KIRREL3: variants seen among roughly 807,000 people sequenced by gnomAD.
KIRREL3 encodes the protein kin of IRRE-like protein 3.
A neutral mutation model predicts 89.7 loss-of-function variants in KIRREL3; 36 were observed. The observed-to-expected ratio is 0.40, with a 90% CI of 0.31 to 0.53. KIRREL3 has a LOEUF of 0.53. KIRREL3 is among the 20% of genes least tolerant of loss of function. KIRREL3 has a pLI of 0.49. For missense variants in KIRREL3, 864 were observed against 1,056.6 expected (o/e 0.82, Z 2.53); for synonymous variants, 445 against 441.4 (o/e 1.01, Z -0.10).
At chr11:126,714,232 CA>C in intron 1 of KIRREL3, among the ~76,000 whole-genome samples, 1 of 152,298 alleles carries the variant, frequency 6.6e-6, no homozygotes, top group East Asian at 1.9e-4. Flanking sequence ...ATGACATAAT[CA>C]ATGGAGGAGT....
Position 126,494,078 on chromosome 11 carries a change from A to G in KIRREL3, c.434-20612T>C, listed in dbSNP as rs961055722. On this transcript the variant is annotated intron_variant, in intron 4 of 16. Transcript: ENST00000525144. ...GAATGTAAAAATATCCACGATGAGG[A>G]AAATATCACAATTTTAAGTAAAGAC... 2.0e-5 allele frequency among the ~76,000 whole-genome samples: 3 copies of G among 152,368 alleles called. No homozygotes were observed. The East Asian group carries it at 5.8e-4, about 29-fold the overall frequency.
At chr11:126,701,487 T>C (rs577700534) in intron 1 of KIRREL3, among the ~76,000 whole-genome samples, 93 of 152,124 alleles carry the variant, frequency 6.1e-4, no homozygotes, top group Non-Finnish European at 9.9e-4. Flanking sequence ...CTTGGTGGCT[T>C]GGAGCTTGCA....
In KIRREL3 at chr11:126,432,398, C is replaced by T. The variant is rs561028129; in HGVS notation, c.1589-872G>A. Among the ~76,000 whole-genome samples, 6 of 152,200 alleles carry T rather than the reference C, an allele frequency of 3.9e-5. No individual in the cohort carries two copies. The highest frequency in any genetic ancestry group is 2.1e-4 in the South Asian group (1 of 4,820). ...GCCCTTCTACAGCTGCAAGTGGGGT[C>T]GGAGCACATGATTTAGGGCCTTGAG... On this transcript the variant is annotated intron_variant, in intron 13 of 16. Coordinates refer to ENST00000525144, the MANE Select transcript of KIRREL3 (RefSeq NM_032531.4). The surrounding 1 kb of genome is among the most constrained non-coding windows in gnomAD (Gnocchi z 6.2).
chr11:126,801,382 G>A (rs183363869), intron 1 of KIRREL3, among the ~76,000 whole-genome samples: 1 of 152,238 alleles, frequency 6.6e-6, no homozygotes, highest in Admixed American at 6.5e-5. Context: ...GTTGCCATAG[G>A]TACAGTCACC....
In KIRREL3 at chr11:126,574,868, C is replaced by G. The variant is rs749757868; in HGVS notation, c.56-11956G>C. 6.6e-6 allele frequency among the ~76,000 whole-genome samples: 1 copy of G among 152,124 alleles called. No homozygotes were observed. The highest frequency in any genetic ancestry group is 1.5e-5 in the Non-Finnish European group (1 of 68,010). ...CTTCTTGGAATAGGAATGAATAGTA[C>G]GAGAAAATACCTGGGTCCACACTGG... On this transcript the variant is annotated intron_variant, in intron 1 of 16. Coordinates refer to ENST00000525144, the MANE Select transcript of KIRREL3 (RefSeq NM_032531.4). This position sits in a 1 kb window ranked among gnomAD's most constrained non-coding sequence, Gnocchi z 5.3.
At chr11:126,882,752 G>A (rs1174296362) in intron 1 of KIRREL3, among the ~76,000 whole-genome samples, 1 of 152,214 alleles carries the variant, frequency 6.6e-6, no homozygotes, top group Non-Finnish European at 1.5e-5. Flanking sequence ...ATGACTAGAA[G>A]AAAATTTTTG....
intron 1 of KIRREL3, among the ~76,000 whole-genome samples, chr11:126,882,247 T>C (rs778891053): frequency 4.6e-5 from 7 of 152,196 alleles, no homozygotes; most frequent in Non-Finnish European, 8.8e-5. Flanking sequence ...TGCATACATC[T>C]CCTTCTCCTT....
At position 127,000,282 on chromosome 11, in the gene KIRREL3, T is replaced by C. The variant is rs550971415; in HGVS notation, c.55+173A>G. Reference sequence around the variant, plus strand: ...TTCCAAAGGAAAATAAACAGTACCATTTTGTTGCATTCGCAAAGGCGAAGA... The same window carrying C: ...TTCCAAAGGAAAATAAACAGTACCACTTTGTTGCATTCGCAAAGGCGAAGA... On this transcript the variant is annotated intron_variant, in intron 1 of 16. Transcript: ENST00000525144. This position sits in a 1 kb window ranked among gnomAD's most constrained non-coding sequence, Gnocchi z 7.1. Among the ~76,000 whole-genome samples the C allele has an allele frequency of 4.6e-5, 7 of 152,170 alleles. No homozygotes were observed. The South Asian group carries it at 1.5e-3, about 32-fold the overall frequency.
At chr11:126,921,075 C>A (rs1250986499) in intron 1 of KIRREL3, among the ~76,000 whole-genome samples, 1 of 152,184 alleles carries the variant, frequency 6.6e-6, no homozygotes, top group Non-Finnish European at 1.5e-5. Context: ...CTGGATAGAA[C>A]CACAAGGCAG....
intron 1 of KIRREL3, among the ~76,000 whole-genome samples, chr11:126,952,038 T>C (rs1377160142): frequency 6.6e-6 from 1 of 152,152 alleles, no homozygotes; most frequent in Non-Finnish European, 1.5e-5. Flanking sequence ...AGATCTGTCT[T>C]GGAAAGGACA....
chr11:126,508,476 G>A lies in KIRREL3; in HGVS notation c.433+12839C>T, dbSNP rs553106634. ...TGAGGAGGAGGGGCTGCCAGGAAGGGTTTTTGGAAGCCTTGGGTTTGCTCT... is the reference window on the plus strand; with the variant it reads ...TGAGGAGGAGGGGCTGCCAGGAAGGATTTTTGGAAGCCTTGGGTTTGCTCT... On this transcript the variant is annotated intron_variant, in intron 4 of 16. Transcript: ENST00000525144. This position sits in a 1 kb window ranked among gnomAD's most constrained non-coding sequence, Gnocchi z 4.9. Among the ~76,000 whole-genome samples the A allele has an allele frequency of 1.3e-4, 20 of 152,272 alleles. No individual in the cohort carries two copies. The highest frequency in any genetic ancestry group is 6.2e-4 in the South Asian group (3 of 4,818).
At chr11:126,899,946 C>T (rs1592312083) in intron 1 of KIRREL3, among the ~76,000 whole-genome samples, 1 of 152,202 alleles carries the variant, frequency 6.6e-6, no homozygotes. Flanking sequence ...TTTCCTAGTG[C>T]TCAAATCTTC....
Position 126,424,792 on chromosome 11 carries a change from G to A in KIRREL3, c.2125C>T (p.Arg709Trp), listed in dbSNP as rs1437300343. The A allele has an allele frequency of 1.2e-6, 2 of 1,614,038 alleles. No homozygotes were observed. The highest frequency in any genetic ancestry group is 1.1e-5 in the South Asian group (1 of 91,092). The stretch of plus-strand genomic sequence containing the variant: ...CTGAGGGAGCCTCTCTGGAACTCCC[G>A]CTCACAAAGCTCGATGGACGAGCTG... Reference protein sequence around the residue: ...MGSSSIELCEREFQRGSLSDS... With the variant: ...MGSSSIELCEWEFQRGSLSDS... The change falls in exon 17 of 17, where the codon CGG becomes TGG. Residue 709 changes from arginine (R) to tryptophan (W), a missense_variant. Physicochemically the swap from Arg to Trp is moderately radical, Grantham distance 101 (BLOSUM62 -3). Transcript: ENST00000525144.
At chr11:126,779,207 C>A (rs1452961903) in intron 1 of KIRREL3, among the ~76,000 whole-genome samples, 1 of 152,190 alleles carries the variant, frequency 6.6e-6, no homozygotes, top group African/African-American at 2.4e-5. Flanking sequence ...GTCTGGACTC[C>A]TTGGTAAGGT....
intron 1 of KIRREL3, among the ~76,000 whole-genome samples, chr11:126,595,110 C>T (rs185166069): frequency 1.7e-3 from 252 of 152,320 alleles, no homozygotes; most frequent in Admixed American, 3.5e-3. Flanking sequence ...GCTGTCAGCC[C>T]GGCTGAGAGC....
chr11:126,620,394 G>A lies in KIRREL3; in HGVS notation c.56-57482C>T, dbSNP rs908594276. Among the ~76,000 whole-genome samples, 1 of 152,148 alleles carries A rather than the reference G, an allele frequency of 6.6e-6. No individual in the cohort carries two copies. Among genetic ancestry groups the A allele is most frequent in the Admixed American group, 6.5e-5 (1 of 15,268 alleles). ...CTTTCACCAGCCCAGGATTCTGAGGGGCTGTGAATTCCAAGGACATCCATT... is the reference window on the plus strand; with the variant it reads ...CTTTCACCAGCCCAGGATTCTGAGGAGCTGTGAATTCCAAGGACATCCATT... On this transcript the variant is annotated intron_variant, in intron 1 of 16. Transcript: ENST00000525144. This position sits in a 1 kb window ranked among gnomAD's most constrained non-coding sequence, Gnocchi z 4.8.
chr11:126,800,102 G>A (rs779629212), intron 1 of KIRREL3, among the ~76,000 whole-genome samples: 1 of 152,186 alleles, frequency 6.6e-6, no homozygotes, highest in Non-Finnish European at 1.5e-5. Context: ...AGATCTCCAG[G>A]GGCTGGGCCC....
intron 10 of KIRREL3, among the ~76,000 whole-genome samples, chr11:126,444,296 G>A (rs1000271299): frequency 4.6e-5 from 7 of 152,234 alleles, no homozygotes; most frequent in Non-Finnish European, 8.8e-5. Context: ...TGACTCACAC[G>A]CATTGGGAAG....
Position 126,719,080 on chromosome 11 carries a change from G to A in KIRREL3, c.56-156168C>T, listed in dbSNP as rs539411112. Among the ~76,000 whole-genome samples the A allele has an allele frequency of 6.6e-5, 10 of 152,196 alleles. No homozygotes were observed. The highest frequency in any genetic ancestry group is 6.5e-4 in the Admixed American group (10 of 15,296). On this transcript the variant is annotated intron_variant, in intron 1 of 16. Coordinates refer to ENST00000525144, the MANE Select transcript of KIRREL3 (RefSeq NM_032531.4). This position sits in a 1 kb window ranked among gnomAD's most constrained non-coding sequence, Gnocchi z 4.7. The stretch of plus-strand genomic sequence containing the variant: ...TTCCTCCTGCTATACCTCCTTTGCT[G>A]TGTTCTCTTTTACAGAACTCAGAAG...
Sources: gnomAD v4.1 joint callset for allele counts (sites outside exome capture counted in the v4.1 genomes callset) on GRCh38, gnomAD v4.1.1 for gene constraint, Gnocchi (gnomAD v3.1) non-coding constraint, MANE v1.5 for transcripts, NCBI Gene and HGNC (gene_info 2026-07-23, HGNC 2026-07-21) for gene names.